The following RHD variants were observed in gnomAD, a reference collection of about 807,000 sequenced individuals.
RHD encodes the protein Rh blood group D antigen, also known as blood group Rh(D) polypeptide.
Under a neutral mutation model 45.5 loss-of-function variants are expected in RHD, and 16 were observed. The ratio of observed to expected loss-of-function variants is 0.35; its 90% CI spans 0.24 to 0.53. The LOEUF (loss-of-function observed/expected upper bound fraction) is 0.53, where lower values mean the gene tolerates loss of function less well. Ranked by LOEUF, RHD falls within the 20% of genes least tolerant of loss-of-function variation. The pLI is 0.92. For missense variants in RHD, 306 were observed against 532.0 expected (o/e 0.58, Z 4.18); for synonymous variants, 131 against 217.5 (o/e 0.60, Z 3.50).
At chr1:25,294,736 G>A in intron 3 of RHD, 1 of 494,688 alleles carries the variant, frequency 2.0e-6, no homozygotes, top group South Asian at 2.1e-5. Context: ...CACAGGTTCA[G>A]TCTCCTGCAG....
At chr1:25,296,654 A>T (rs2124660940) in intron 3 of RHD, among the ~76,000 whole-genome samples, 1 of 131,422 alleles carries the variant, frequency 7.6e-6, no homozygotes, top group Non-Finnish European at 1.8e-5. Context: ...ATTGGATCAC[A>T]GGGGTGGTTT....
rs1644963698 is a variant in RHD, at chr1:25,329,924, G to A, written c.*1000G>A. Reference sequence around the variant, plus strand: ...CCTGCCTCGGCCTCCCAAAGTGCTGGGATTACAGGTGTGAGCCACCGTGCC... The same window carrying A: ...CCTGCCTCGGCCTCCCAAAGTGCTGAGATTACAGGTGTGAGCCACCGTGCC... On this transcript the variant is annotated 3_prime_UTR_variant, in exon 10 of 10. Coordinates refer to ENST00000328664, the MANE Select transcript of RHD (RefSeq NM_016124.6). 2 of 131,832 alleles carry A rather than the reference G, an allele frequency of 1.5e-5. 1 individual carries two copies. The highest frequency in any genetic ancestry group is 8.3e-3 in the Middle Eastern group (2 of 240). 8.2% of individuals were successfully genotyped at this position (131,832 alleles called of 1,614,324 possible). A position where few individuals can be genotyped will look rare whatever the true frequency, so the allele number is the denominator to read the frequency against.
Position 25,315,359 on chromosome 1 carries a change from G to A in RHD, c.1074-1641G>A, listed in dbSNP as rs1016049948. Among the ~76,000 whole-genome samples the A allele has an allele frequency of 3.1e-5, 4 of 130,264 alleles. 1 individual carries two copies. The highest frequency in any genetic ancestry group is 1.1e-4 in the African/African-American group (4 of 37,882). 85.5% of individuals were successfully genotyped at this position (130,264 alleles called of 152,430 possible). ...GAAGATATACAAAGATGGCAAAGAT[G>A]AGGGCCTGGAGCTTGCCACACGGAA... On this transcript the variant is annotated intron_variant, in intron 7 of 9. Transcript: ENST00000328664.
At chr1:25,296,834 G>A (rs1262566085) in intron 3 of RHD, among the ~76,000 whole-genome samples, 1 of 125,966 alleles carries the variant, frequency 7.9e-6, no homozygotes, top group African/African-American at 2.7e-5. Flanking sequence ...AGGCCTCCCC[G>A]GCCATGCCAA....
rs548969686 is a variant in RHD, at chr1:25,277,472, G to T, written c.148+4777G>T. Among the ~76,000 whole-genome samples the T allele has an allele frequency of 3.9e-4, 52 of 133,556 alleles. 14 individuals carry two copies. Among genetic ancestry groups the T allele is most frequent in the Non-Finnish European group, 6.4e-4 (36 of 56,242 alleles). The allele number at this position is 133,556 out of a possible 152,430, so 87.6% of individuals were successfully genotyped here. A position where few individuals can be genotyped will look rare whatever the true frequency, so the allele number is the denominator to read the frequency against. On this transcript the variant is annotated intron_variant, in intron 1 of 9. Coordinates refer to ENST00000328664, the MANE Select transcript of RHD (RefSeq NM_016124.6). ...GTCTGTGTTTTCACAAGCCCTCTTG[G>T]TGATTCTTCTGTGCATGAAAGTTCG...
chr1:25,310,927 C>T (rs1355131783), intron 7 of RHD, among the ~76,000 whole-genome samples: 2 of 126,080 alleles, frequency 1.6e-5, no homozygotes, highest in Admixed American at 7.7e-5. Context: ...GAGCTGAGAT[C>T]GTGCTATTGC....
At chr1:25,309,790 C>T (rs1280543122) in intron 7 of RHD, among the ~76,000 whole-genome samples, 1 of 132,118 alleles carries the variant, frequency 7.6e-6, no homozygotes, top group African/African-American at 2.6e-5. Flanking sequence ...AGCTCACTCA[C>T]AGGGCTGCTG....
intron 2 of RHD, among the ~76,000 whole-genome samples, chr1:25,286,211 G>T (rs1641975836): frequency 7.4e-6 from 1 of 135,424 alleles, no homozygotes. Context: ...TTTAGAGGCT[G>T]GGCATGGTGG....
Position 25,321,922 on chromosome 1 carries a change from C to T in RHD, c.1187C>T (p.Pro396Leu). 1 of 1,335,418 alleles carries T rather than the reference C, an allele frequency of 7.5e-7. No homozygotes were observed. Among genetic ancestry groups the T allele is most frequent in the Non-Finnish European group, 1.1e-6 (1 of 940,292 alleles). 82.7% of individuals were successfully genotyped at this position (1,335,418 alleles called of 1,614,324 possible). A position where few individuals can be genotyped will look rare whatever the true frequency, so the allele number is the denominator to read the frequency against. The change falls in exon 9 of 10, where the codon CCT (proline) becomes CTT (leucine). Residue 396 changes from proline to leucine, a missense_variant. By Grantham distance (98) the Pro-to-Leu change is moderately conservative (BLOSUM62 -3). Coordinates refer to ENST00000328664, the MANE Select transcript of RHD (RefSeq NM_016124.6). ...CTAAATCTTAAAATATGGAAAGCAC[C>T]TCATGAGGCTAAATATTTTGATGAC... Reference protein sequence around the residue: ...LLLNLKIWKAPHEAKYFDDQV... With the variant: ...LLLNLKIWKALHEAKYFDDQV...
intron 1 of RHD, among the ~76,000 whole-genome samples, chr1:25,278,173 A>C (rs1158792430): frequency 7.7e-6 from 1 of 129,298 alleles, no homozygotes; most frequent in East Asian, 2.0e-4. Context: ...TTTAGGAGAT[A>C]AGTCAGCTGT....
chr1:25,281,833 G>T (rs138434130), intron 1 of RHD, among the ~76,000 whole-genome samples: 3,217 of 132,784 alleles, frequency 0.024, 528 homozygotes, highest in African/African-American at 0.076. Flanking sequence ...GTGTCAGGTT[G>T]ATTTGGAAAT....
At chr1:25,282,666 T>C (rs1242251850) in intron 1 of RHD, among the ~76,000 whole-genome samples, 2 of 132,372 alleles carry the variant, frequency 1.5e-5, no homozygotes, top group Non-Finnish European at 3.6e-5. Context: ...GGCTCATGCC[T>C]GTAATCCCAG....
intron 1 of RHD, among the ~76,000 whole-genome samples, chr1:25,275,105 CATGGT>C (rs1640844031): frequency 7.6e-6 from 1 of 132,236 alleles, no homozygotes; most frequent in Admixed American, 7.4e-5. Context: ...GCCTGGCCAA[CATGGT>C]AAAACCCTGT....
Position 25,279,631 on chromosome 1 carries a change from G to A in RHD, c.149-4942G>A, listed in dbSNP as rs530857263. ...CCTACCTGAGGCTGTTGTGGGCTAA[G>A]TCTGTAAGGCACGTAGAACAGTGCC... is the stretch of plus-strand genomic sequence containing the variant. On this transcript the variant is annotated intron_variant, in intron 1 of 9. Transcript: ENST00000328664. 3.3e-4 allele frequency among the ~76,000 whole-genome samples: 42 copies of A among 125,888 alleles called. 4 individuals carry two copies. The highest frequency in any genetic ancestry group is 1.0e-3 in the African/African-American group (37 of 35,768). 82.6% of individuals were successfully genotyped at this position (125,888 alleles called of 152,430 possible).
At chr1:25,282,311 T>C (rs1641556360) in intron 1 of RHD, among the ~76,000 whole-genome samples, 1 of 131,792 alleles carries the variant, frequency 7.6e-6, no homozygotes, top group South Asian at 2.4e-4. Context: ...CTCAGCTCAC[T>C]GCAACCTCTG....
At chr1:25,278,263 G>C (rs1641190261) in intron 1 of RHD, among the ~76,000 whole-genome samples, 1 of 130,302 alleles carries the variant, frequency 7.7e-6, no homozygotes, top group African/African-American at 2.6e-5. Context: ...CCTGAGATGA[G>C]AGACAGAAGG....
chr1:25,320,215 G>A (rs193088544), intron 8 of RHD, among the ~76,000 whole-genome samples: 3 of 131,822 alleles, frequency 2.3e-5, no homozygotes, highest in East Asian at 3.9e-4. Context: ...TCTTAAAACT[G>A]GACACAAGAA....
chr1:25,310,218 G>A lies in RHD; in HGVS notation c.1073+3489G>A, dbSNP rs1475280030. Among the ~76,000 whole-genome samples, 42 of 132,882 alleles carry A rather than the reference G, an allele frequency of 3.2e-4. 3 individuals are homozygous for A. Among genetic ancestry groups the A allele is most frequent in the African/African-American group, 6.3e-4 (25 of 39,558 alleles). The allele number at this position is 132,882 out of a possible 152,430, so 87.2% of individuals were successfully genotyped here. ...ATGTGTCCCCCAAATTTCATGTGCT[G>A]GAAACTTAATCCTTCAATTCATATG... On this transcript the variant is annotated intron_variant, in intron 7 of 9. Transcript: ENST00000328664.
At position 25,301,900 on chromosome 1, in the gene RHD, G is replaced by A. The variant is rs943715809; in HGVS notation, c.801+214G>A. Among the ~76,000 whole-genome samples, 2 of 131,384 alleles carry A rather than the reference G, an allele frequency of 1.5e-5. 1 individual carries two copies. Among genetic ancestry groups the A allele is most frequent in the East Asian group, 3.9e-4 (2 of 5,118 alleles). 86.2% of individuals were successfully genotyped at this position (131,384 alleles called of 152,430 possible). The stretch of plus-strand genomic sequence containing the variant: ...ACTGTCCAGTGATCAAAGGCTTTCT[G>A]GGGGTAGTGATTAAATCCATCCATG... On this transcript the variant is annotated intron_variant, in intron 5 of 9. Coordinates refer to ENST00000328664, the MANE Select transcript of RHD (RefSeq NM_016124.6).
Sources: allele counts gnomAD v4.1 joint callset (sites outside exome capture counted in the v4.1 genomes callset), GRCh38; gene constraint gnomAD v4.1.1; transcripts MANE v1.5; gene names NCBI Gene and HGNC (gene_info 2026-07-23, HGNC 2026-07-21).